Variants in MAML3 observed in about 807,000 individuals in gnomAD.
MAML3 encodes the protein mastermind like transcriptional coactivator 3, also known as mastermind-like protein 3.
MAML3 carries 27 observed loss-of-function variants against 101.9 expected under a neutral mutation model. The observed-to-expected ratio is 0.27, with a 90% CI of 0.20 to 0.37. The LOEUF (loss-of-function observed/expected upper bound fraction) is 0.37, where lower values mean the gene tolerates loss of function less well. Ranked by LOEUF, MAML3 falls within the 10% of genes least tolerant of loss-of-function variation. The pLI is 1.00. For missense variants in MAML3, 1,316 were observed against 1,444.9 expected (o/e 0.91, Z 1.45); for synonymous variants, 501 against 555.9 (o/e 0.90, Z 1.39).
intron 1 of MAML3, among the ~76,000 whole-genome samples, chr4:139,939,157 C>T (rs1416943612): frequency 6.6e-6 from 1 of 152,232 alleles, no homozygotes; most frequent in Non-Finnish European, 1.5e-5. Context: ...CTGAGGCTAC[C>T]TCTTTAATGA....
At chr4:140,064,712 A>C (rs1727502076) in intron 1 of MAML3, among the ~76,000 whole-genome samples, 1 of 152,174 alleles carries the variant, frequency 6.6e-6, no homozygotes, top group African/African-American at 2.4e-5. Context: ...TCATCAGCTC[A>C]GTCTGTCCCT....
intron 1 of MAML3, among the ~76,000 whole-genome samples, chr4:139,896,102 A>G (rs2111206186): frequency 6.6e-6 from 1 of 152,194 alleles, no homozygotes; most frequent in South Asian, 2.1e-4. Context: ...AATTCTCTTT[A>G]TGTTCCTCAT....
At chr4:140,085,619 T>G (rs1049791780) in intron 1 of MAML3, among the ~76,000 whole-genome samples, 5 of 152,228 alleles carry the variant, frequency 3.3e-5, no homozygotes, top group African/African-American at 9.6e-5. Flanking sequence ...TTTCCAGAGC[T>G]GCTTGGCCAA....
intron 2 of MAML3, among the ~76,000 whole-genome samples, chr4:139,863,256 T>C (rs1317572022): frequency 6.6e-6 from 1 of 151,922 alleles, no homozygotes; most frequent in Non-Finnish European, 1.5e-5. Context: ...ATTCAGGTGT[T>C]AAAAAATATG....
intron 1 of MAML3, among the ~76,000 whole-genome samples, chr4:140,087,569 C>T (rs1727974087): frequency 1.3e-5 from 2 of 152,324 alleles, no homozygotes; most frequent in South Asian, 4.1e-4. Flanking sequence ...GAAACATCAC[C>T]AAAGTGTAAG....
At chr4:139,892,590 T>C (rs1338551169) in intron 1 of MAML3, among the ~76,000 whole-genome samples, 1 of 113,866 alleles carries the variant, frequency 8.8e-6, no homozygotes, top group Non-Finnish European at 1.8e-5. Flanking sequence ...CTCCTTATAA[T>C]GCCACATTTT....
chr4:139,961,971 G>A (rs1482018390), intron 1 of MAML3, among the ~76,000 whole-genome samples: 1 of 152,024 alleles, frequency 6.6e-6, no homozygotes, highest in Non-Finnish European at 1.5e-5. Flanking sequence ...AAAAAATTAG[G>A]TGGGCATGGT....
At chr4:140,048,551 G>C (rs1727219119) in intron 1 of MAML3, among the ~76,000 whole-genome samples, 1 of 152,064 alleles carries the variant, frequency 6.6e-6, no homozygotes, top group South Asian at 2.1e-4. Context: ...TTTGTCCTAA[G>C]GTCAGATCTA....
chr4:139,832,485 C>T (rs910371625), intron 2 of MAML3, among the ~76,000 whole-genome samples: 5 of 151,958 alleles, frequency 3.3e-5, no homozygotes, highest in African/African-American at 1.2e-4. Flanking sequence ...GTGTATTTAC[C>T]ATCCGTACCA....
intron 2 of MAML3, among the ~76,000 whole-genome samples, chr4:139,836,492 T>G (rs938049020): frequency 6.6e-6 from 1 of 150,692 alleles, no homozygotes; most frequent in Non-Finnish European, 1.5e-5. Context: ...AAAACAACAA[T>G]GATGATCCTC....
At chr4:140,012,244 T>G (rs995163851) in intron 1 of MAML3, among the ~76,000 whole-genome samples, 2 of 152,246 alleles carry the variant, frequency 1.3e-5, no homozygotes, top group Non-Finnish European at 2.9e-5. Flanking sequence ...CTTGTGAAAT[T>G]TAAGCTTTGG....
chr4:139,928,317 C>T (rs1560838835), intron 1 of MAML3, among the ~76,000 whole-genome samples: 1 of 152,196 alleles, frequency 6.6e-6, no homozygotes, highest in Non-Finnish European at 1.5e-5. Context: ...TTGGCATGTA[C>T]CACGCTGAAG....
chr4:139,824,922 T>TA (rs1227566912), intron 2 of MAML3, among the ~76,000 whole-genome samples: 1 of 150,900 alleles, frequency 6.6e-6, no homozygotes, highest in African/African-American at 2.4e-5. Flanking sequence ...TCAGAATAAG[T>TA]AAAAAAGGAC....
In MAML3 at chr4:139,730,605, G is replaced by T; in HGVS notation, c.2142C>A (p.Gly714=). 1 of 1,612,084 alleles carries T rather than the reference G, an allele frequency of 6.2e-7. No individual in the cohort carries two copies. The highest frequency in any genetic ancestry group is 1.1e-5 in the South Asian group (1 of 90,330). The change falls in exon 3 of 5, where the codon GGC becomes GGA. Residue 714 remains glycine (G), a synonymous_variant. Coordinates refer to ENST00000509479, the MANE Select transcript of MAML3 (RefSeq NM_018717.5). The part of the protein sequence containing the change: ...TGPMQSSVPP[G]SGGMVSGASP... ...TGGCTCCTGAGACCATGCCACCTGAGCCTGGGGGCACGGAGGACTGCATGG... is the reference window on the plus strand; with the variant it reads ...TGGCTCCTGAGACCATGCCACCTGATCCTGGGGGCACGGAGGACTGCATGG...
intron 1 of MAML3, among the ~76,000 whole-genome samples, chr4:139,901,013 A>C (rs984776842): frequency 6.6e-6 from 1 of 152,098 alleles, no homozygotes; most frequent in Non-Finnish European, 1.5e-5. Flanking sequence ...GCTCTCACCT[A>C]CTCTGCTATT....
At chr4:139,989,586 A>G (rs1056592103) in intron 1 of MAML3, among the ~76,000 whole-genome samples, 2 of 152,028 alleles carry the variant, frequency 1.3e-5, no homozygotes, top group African/African-American at 4.8e-5. Flanking sequence ...CAGGAATCAC[A>G]GTGAAGCCCA....
chr4:139,962,217 TA>T (rs1734031428), intron 1 of MAML3, among the ~76,000 whole-genome samples: 2 of 152,126 alleles, frequency 1.3e-5, no homozygotes, highest in African/African-American at 4.8e-5. Context: ...AGAGAGTTAA[TA>T]AATCAACTCA....
At chr4:139,842,187 T>A (rs887290257) in intron 2 of MAML3, among the ~76,000 whole-genome samples, 1 of 152,242 alleles carries the variant, frequency 6.6e-6, no homozygotes, top group East Asian at 1.9e-4. Flanking sequence ...CAGATCAACC[T>A]GGGCACTGTG....
At position 139,890,950 on chromosome 4, in the gene MAML3, T is replaced by TTTCAC; in HGVS notation, c.481_485dup (p.Arg163Ter). ...GTGATCGAGCTCCTTCCAACTTCCT[T>TTTCAC]TTCACAGTCTCTTGTAGCTGGAAAA... On this transcript the variant is annotated stop_gained and frameshift_variant, in exon 2 of 5. Transcript: ENST00000509479. LOFTEE classifies it high-confidence loss of function. The surrounding 1 kb of genome is among the most constrained non-coding windows in gnomAD (Gnocchi z 4.1). 6.2e-7 allele frequency: 1 copy of TTTCAC among 1,612,314 alleles called. No individual in the cohort carries two copies. The highest frequency in any genetic ancestry group is 8.5e-7 in the Non-Finnish European group (1 of 1,178,890).
Sources: gnomAD v4.1 joint callset for allele counts (sites outside exome capture counted in the v4.1 genomes callset) on GRCh38, gnomAD v4.1.1 for gene constraint, Gnocchi (gnomAD v3.1) non-coding constraint, MANE v1.5 for transcripts, NCBI Gene and HGNC (gene_info 2026-07-23, HGNC 2026-07-21) for gene names.